Variants in PHTF2 observed in about 807,000 individuals in gnomAD.
PHTF2 encodes the protein protein PHTF2.
In PHTF2, 60 loss-of-function variants were observed where a neutral mutation model predicts 101.2. The ratio of observed to expected loss-of-function variants is 0.59; its 90% CI spans 0.48 to 0.73. The LOEUF (loss-of-function observed/expected upper bound fraction) is 0.73. Ranked by LOEUF, PHTF2 falls within the 30% of genes least tolerant of loss-of-function variation. The pLI, the probability that PHTF2 is intolerant of heterozygous loss-of-function variation, is 0.00. For missense variants in PHTF2, 747 were observed against 908.7 expected (o/e 0.82, Z 2.29); for synonymous variants, 311 against 307.3 (o/e 1.01, Z -0.13).
intron 3 of PHTF2, among the ~76,000 whole-genome samples, chr7:77,858,187 G>A (rs1797333431): frequency 1.3e-5 from 2 of 152,170 alleles, no homozygotes; most frequent in Non-Finnish European, 2.9e-5. Flanking sequence ...AGATAGGTTA[G>A]TTTAGTTGCT....
intron 1 of PHTF2, among the ~76,000 whole-genome samples, chr7:77,804,406 A>C (rs1792809609): frequency 6.6e-6 from 1 of 151,424 alleles, no homozygotes; most frequent in South Asian, 2.1e-4. Flanking sequence ...GCTCATTGCA[A>C]CCTCCTTCTC....
At chr7:77,879,084 T>C (rs1799184314) in intron 3 of PHTF2, among the ~76,000 whole-genome samples, 1 of 152,216 alleles carries the variant, frequency 6.6e-6, no homozygotes, top group Non-Finnish European at 1.5e-5. Context: ...TATGCAACCA[T>C]ATCCAGTGAG....
intron 1 of PHTF2, among the ~76,000 whole-genome samples, chr7:77,837,282 C>T (rs1369084899): frequency 6.6e-6 from 1 of 152,132 alleles, no homozygotes; most frequent in East Asian, 1.9e-4. Flanking sequence ...CATGACAATA[C>T]AGTCTATGAA....
intron 11 of PHTF2, among the ~76,000 whole-genome samples, chr7:77,927,669 T>C (rs1804188192): frequency 1.3e-5 from 2 of 152,222 alleles, no homozygotes; most frequent in African/African-American, 4.8e-5. Context: ...TAGCATTTGT[T>C]GAGCCCCTGC....
At chr7:77,937,080 GAA>G (rs71082797) in intron 12 of PHTF2, among the ~76,000 whole-genome samples, 4 of 144,220 alleles carry the variant, frequency 2.8e-5, no homozygotes, top group Non-Finnish European at 3.1e-5. Flanking sequence ...GCTTTATCTG[GAA>G]AAAAAAAAAA....
intron 2 of PHTF2, among the ~76,000 whole-genome samples, chr7:77,842,902 T>C (rs1795998313): frequency 6.6e-6 from 1 of 152,206 alleles, no homozygotes; most frequent in African/African-American, 2.4e-5. Flanking sequence ...CTATATAAAA[T>C]TAATGAGCAT....
intron 1 of PHTF2, among the ~76,000 whole-genome samples, chr7:77,832,733 T>C (rs1795165874): frequency 6.6e-6 from 1 of 152,032 alleles, no homozygotes; most frequent in African/African-American, 2.4e-5. Context: ...GATGGGACCA[T>C]CTAGTTGCAG....
intron 2 of PHTF2, among the ~76,000 whole-genome samples, chr7:77,845,843 C>T (rs1796236442): frequency 6.6e-6 from 1 of 152,210 alleles, no homozygotes; most frequent in African/African-American, 2.4e-5. Context: ...AAATCTAACT[C>T]AAACTATCTT....
chr7:77,920,666 T>C (rs568441439), intron 10 of PHTF2, among the ~76,000 whole-genome samples: 15 of 152,132 alleles, frequency 9.9e-5, no homozygotes, highest in Non-Finnish European at 1.9e-4. Flanking sequence ...ACCTTCTGAA[T>C]TGATGGCTTC....
intron 3 of PHTF2, chr7:77,854,941 C>A: frequency 1.6e-6 from 1 of 617,372 alleles, no homozygotes. Context: ...AATCAAGGAA[C>A]CCAGGAGCCT....
intron 7 of PHTF2, chr7:77,906,310 C>T (rs1018921195): frequency 2.0e-5 from 3 of 152,178 alleles, no homozygotes; most frequent in South Asian, 4.2e-4. Context: ...TAAACCTTAA[C>T]TTGAGAGGAA....
exon 2 of PHTF2, chr7:77,840,225 A>C (rs761900491): frequency 1.3e-6 from 2 of 1,563,664 alleles, no homozygotes; most frequent in Admixed American, 3.3e-5. Context: ...GCACAGCCTA[A>C]AATGACCAAT....
intron 2 of PHTF2, among the ~76,000 whole-genome samples, chr7:77,841,652 A>T (rs931450187): frequency 1.3e-5 from 2 of 152,168 alleles, no homozygotes; most frequent in African/African-American, 2.4e-5. Flanking sequence ...TGGGTAGAAC[A>T]TGCCATAGGT....
At chr7:77,945,340 A>G (rs1313996813) in intron 16 of PHTF2, among the ~76,000 whole-genome samples, 1 of 152,228 alleles carries the variant, frequency 6.6e-6, no homozygotes, top group Non-Finnish European at 1.5e-5. Flanking sequence ...TGTCTCCAAA[A>G]GGAAAAAGAA....
chr7:77,869,582 T>G (rs926001097), intron 3 of PHTF2, among the ~76,000 whole-genome samples: 6 of 152,184 alleles, frequency 3.9e-5, no homozygotes, highest in African/African-American at 1.4e-4. Flanking sequence ...ACTTCCTTCT[T>G]TTATATTGCT....
chr7:77,865,545 T>G (rs1021841317), intron 3 of PHTF2, among the ~76,000 whole-genome samples: 1 of 152,140 alleles, frequency 6.6e-6, no homozygotes. Flanking sequence ...ATAATATCAA[T>G]TATTATTCTA....
intron 3 of PHTF2, among the ~76,000 whole-genome samples, chr7:77,865,611 A>G (rs1210091350): frequency 2.0e-5 from 3 of 152,148 alleles, no homozygotes; most frequent in Non-Finnish European, 4.4e-5. Context: ...GCCTGACTTG[A>G]TAATTAATCT....
chr7:77,871,906 T>C (rs1280483821), intron 3 of PHTF2, among the ~76,000 whole-genome samples: 1 of 152,230 alleles, frequency 6.6e-6, no homozygotes, highest in Non-Finnish European at 1.5e-5. Context: ...GATGGTAGTC[T>C]TGGCAGAAGC....
At chr7:77,892,202 A>G (rs1285588437) in intron 3 of PHTF2, among the ~76,000 whole-genome samples, 2 of 152,336 alleles carry the variant, frequency 1.3e-5, no homozygotes, top group South Asian at 4.1e-4. Flanking sequence ...AGGCAGAAGA[A>G]TCACTTGAAC....
Sources: gnomAD v4.1 joint callset for allele counts (sites outside exome capture counted in the v4.1 genomes callset) on GRCh38, gnomAD v4.1.1 for gene constraint, MANE v1.5 for transcripts, NCBI Gene and HGNC (gene_info 2026-07-23, HGNC 2026-07-21) for gene names.